AGL: variants seen among roughly 807,000 people sequenced by gnomAD.
The protein encoded by AGL is amylo-alpha-1,6-glucosidase and 4-alpha-glucanotransferase.
AGL carries 128 observed loss-of-function variants against 199.3 expected under a neutral mutation model. The ratio of observed to expected loss-of-function variants is 0.64; its 90% CI spans 0.56 to 0.74. The LOEUF is 0.74. AGL is among the 30% of genes least tolerant of loss of function. The pLI is 0.00. For missense variants in AGL, 1,809 were observed against 1,820.8 expected (o/e 0.99, Z 0.12); for synonymous variants, 584 against 594.7 (o/e 0.98, Z 0.26).
chr1:99,863,146 G>T (rs1238100527), intron 4 of AGL, among the ~76,000 whole-genome samples: 1 of 151,828 alleles, frequency 6.6e-6, no homozygotes. Context: ...CACCATGTTG[G>T]CCAGGCTGGT....
chr1:99,885,996 C>T (rs1455466248), intron 20 of AGL, among the ~76,000 whole-genome samples: 1 of 152,150 alleles, frequency 6.6e-6, no homozygotes, highest in Non-Finnish European at 1.5e-5. Context: ...ATATTTGAGG[C>T]TGTTAATACA....
intron 7 of AGL, among the ~76,000 whole-genome samples, chr1:99,873,433 CTTTT>C (rs553707025): frequency 2.3e-5 from 3 of 131,138 alleles, no homozygotes; most frequent in Admixed American, 7.7e-5. Flanking sequence ...TGGCAGTGTT[CTTTT>C]TTTTTTTTTT....
intron 2 of AGL, among the ~76,000 whole-genome samples, chr1:99,853,455 G>A (rs1216158893): frequency 6.6e-6 from 1 of 152,174 alleles, no homozygotes; most frequent in Admixed American, 6.5e-5. Context: ...CACCTCCTTT[G>A]TGAAGTCTTT....
chr1:99,891,259 A>G lies in AGL; in HGVS notation c.2852A>G (p.Asp951Gly). ...SVLAEIRPKN[D>G]LGHPFCNNLR... ...TTGGCAGAAATAAGACCAAAGAATGACTTGGGGCATCCTTTTTGTAATAAT... is the reference window on the plus strand; with the variant it reads ...TTGGCAGAAATAAGACCAAAGAATGGCTTGGGGCATCCTTTTTGTAATAAT... The change falls in exon 22 of 34, where the codon GAC (aspartate) becomes GGC (glycine). Residue 951 changes from aspartate to glycine, a missense_variant. By Grantham distance (94) the Asp-to-Gly change is moderately conservative. Transcript: ENST00000361915. 1 of 1,613,648 alleles carries G rather than the reference A, an allele frequency of 6.2e-7. No homozygotes were observed.
At chr1:99,854,763 C>CAAAAAAAAAA (rs11368135) in intron 2 of AGL, among the ~76,000 whole-genome samples, 11 of 84,136 alleles carry the variant, frequency 1.3e-4, no homozygotes, top group Non-Finnish European at 2.3e-4. Flanking sequence ...GATGCCGTCT[C>CAAAAAAAAAA]AAAAAAAAAA....
At position 99,884,100 on chromosome 1, in the gene AGL, A is replaced by C. The variant is rs779252790; in HGVS notation, c.2309-20A>C. 6 of 1,599,992 alleles carry C rather than the reference A, an allele frequency of 3.8e-6. No homozygotes were observed. The South Asian group carries it at 6.6e-5, about 18-fold the overall frequency. ...TGATTCCATATGAAATTTTGTTAAA[A>C]TGTTTTTATGTATTCCTAGGCAAAA... On this transcript the variant is annotated intron_variant, in intron 17 of 33. Transcript: ENST00000361915.
chr1:99,879,421 C>T (rs1436911807), intron 12 of AGL, among the ~76,000 whole-genome samples: 2 of 152,068 alleles, frequency 1.3e-5, no homozygotes, highest in African/African-American at 4.8e-5. Flanking sequence ...CCCATCTCTA[C>T]TAAAAATACA....
At chr1:99,858,600 C>T (rs986108573) in intron 2 of AGL, among the ~76,000 whole-genome samples, 2 of 152,152 alleles carry the variant, frequency 1.3e-5, no homozygotes, top group African/African-American at 4.8e-5. Context: ...ATAGTGAAAG[C>T]ATTTTGAATA....
chr1:99,903,184 C>T (rs1415915660), intron 27 of AGL, among the ~76,000 whole-genome samples: 7 of 152,068 alleles, frequency 4.6e-5, no homozygotes, highest in African/African-American at 9.7e-5. Flanking sequence ...AGGTGCACAA[C>T]GTGCAGGTTT....
At chr1:99,859,332 G>T (rs1649831137) in intron 2 of AGL, among the ~76,000 whole-genome samples, 1 of 150,138 alleles carries the variant, frequency 6.7e-6, no homozygotes, top group South Asian at 2.1e-4. Context: ...TTATGCAAAT[G>T]TATAAAAAGC....
In AGL at chr1:99,921,827, T is replaced by C; in HGVS notation, c.*176T>C. ...ATTTTTTTTAATGTACAGAGGTAGA[T>C]TTCAATTTGAATCAGAAAGAAATAT... On this transcript the variant is annotated 3_prime_UTR_variant, in exon 34 of 34. Transcript: ENST00000361915. 2.3e-6 allele frequency: 1 copy of C among 431,464 alleles called. No homozygotes were observed. The highest frequency in any genetic ancestry group is 4.1e-6 in the Non-Finnish European group (1 of 244,044). The allele number at this position is 431,464 out of a possible 1,614,324, so 26.7% of individuals were successfully genotyped here.
intron 28 of AGL, 22 bp from the exon 29 acceptor site, chr1:99,912,383 A>C: frequency 1.9e-6 from 3 of 1,600,864 alleles, no homozygotes; most frequent in Non-Finnish European, 2.6e-6. Context: ...TTAAAGAATA[A>C]AAATACGTTT....
intron 4 of AGL, 80 bp from the exon 5 acceptor site, chr1:99,864,306 T>G: frequency 3.1e-6 from 4 of 1,307,462 alleles, no homozygotes; most frequent in South Asian, 1.2e-5. Flanking sequence ...CTTAAGAAAG[T>G]TTAAATTTAT....
intron 7 of AGL, among the ~76,000 whole-genome samples, chr1:99,873,147 A>G (rs1651170765): frequency 6.6e-6 from 1 of 151,988 alleles, no homozygotes; most frequent in East Asian, 1.9e-4. Flanking sequence ...TTGTATTTTT[A>G]CATTTGAATA....
At chr1:99,858,962 T>G (rs1302788963) in intron 2 of AGL, among the ~76,000 whole-genome samples, 1 of 152,052 alleles carries the variant, frequency 6.6e-6, no homozygotes, top group Non-Finnish European at 1.5e-5. Context: ...TTATTGGGGT[T>G]TTTTCCTGAA....
Position 99,900,727 on chromosome 1 carries a change from G to T in AGL, c.3454G>T (p.Asp1152Tyr). 6.2e-7 allele frequency: 1 copy of T among 1,614,144 alleles called. No homozygotes were observed. Among genetic ancestry groups the T allele is most frequent in the Non-Finnish European group, 8.5e-7 (1 of 1,180,024 alleles). The stretch of plus-strand genomic sequence containing the variant: ...AATTTATGCCAGATACAATTGTCGG[G>T]ATGCTGTGTGGTGGTGGCTGCAGTG... Reference protein sequence around the residue: ...EGIYARYNCRDAVWWWLQCIQ... With the variant: ...EGIYARYNCRYAVWWWLQCIQ... The change falls in exon 26 of 34, where the codon GAT (aspartate) becomes TAT (tyrosine). Residue 1152 changes from aspartate to tyrosine, a missense_variant. Coordinates refer to ENST00000361915, the MANE Select transcript of AGL (RefSeq NM_000642.3).
intron 24 of AGL, among the ~76,000 whole-genome samples, chr1:99,894,565 T>C (rs1653158704): frequency 6.6e-6 from 1 of 152,128 alleles, no homozygotes. Context: ...AAATAAATAA[T>C]ACACAGTGTA....
rs1033205588 is a variant in AGL at position 99,892,869 on chromosome 1, G to C, written c.3259+262G>C. 3.3e-5 allele frequency among the ~76,000 whole-genome samples: 5 copies of C among 151,554 alleles called. 1 individual carries two copies. Among genetic ancestry groups the C allele is most frequent in the Admixed American group, 6.6e-5 (1 of 15,226 alleles). On this transcript the variant is annotated intron_variant, in intron 24 of 33. Transcript: ENST00000361915. ...TATTTTTTCCAACTCTTGACATTCT[G>C]TGTTTTTTTAAATCAAATTTATTTT...
chr1:99,882,570 C>T (rs1011317129), intron 17 of AGL, among the ~76,000 whole-genome samples: 3 of 152,286 alleles, frequency 2.0e-5, no homozygotes, highest in East Asian at 3.9e-4. Flanking sequence ...AGTTGCACCT[C>T]CTTTGTTCAG....
Sources: gnomAD v4.1 joint callset for allele counts (sites outside exome capture counted in the v4.1 genomes callset) on GRCh38, gnomAD v4.1.1 for gene constraint, MANE v1.5 for transcripts, NCBI Gene and HGNC (gene_info 2026-07-23, HGNC 2026-07-21) for gene names.